LINGO2: variants seen among roughly 807,000 people sequenced by gnomAD.
LINGO2 encodes leucine rich repeat and Ig domain containing 2, also known as leucine-rich repeat and immunoglobulin-like domain-containing nogo receptor-interacting protein 2.
A neutral mutation model predicts 30.6 loss-of-function variants in LINGO2; 14 were observed. The ratio of observed to expected loss-of-function variants is 0.46; its 90% CI spans 0.30 to 0.72. LINGO2 has a LOEUF of 0.72. Among genes scored for constraint, LINGO2 ranks in the 30% least tolerant of loss-of-function variants. The pLI is 0.07. For synonymous variants in LINGO2, 317 were observed against 288.5 expected, an observed-to-expected ratio of 1.10 and a Z score of -1.00; for missense variants, 729 against 751.7, an observed-to-expected ratio of 0.97 and a Z score of 0.35.
At chr9:29,005,947 A>G in the LINGO2 span, among the ~76,000 whole-genome samples, 1 of 151,910 alleles carries the variant, frequency 6.6e-6, no homozygotes, top group Non-Finnish European at 1.5e-5. Flanking sequence ...CAGATACGAG[A>G]CCAATGGATA....
At chr9:28,475,470 A>G (rs1825693470) in intron 2 of LINGO2, among the ~76,000 whole-genome samples, 1 of 152,192 alleles carries the variant, frequency 6.6e-6, no homozygotes, top group Admixed American at 6.5e-5. Context: ...AACAAGGGTA[A>G]TTATGACTAT....
At chr9:28,739,765 T>C in the LINGO2 span, among the ~76,000 whole-genome samples, 1 of 151,664 alleles carries the variant, frequency 6.6e-6, no homozygotes, top group Non-Finnish European at 1.5e-5. Context: ...TTTATGACAG[T>C]ACAATACTAT....
At chr9:28,596,405 C>T in intron 1 of LINGO2, among the ~76,000 whole-genome samples, 1 of 151,956 alleles carries the variant, frequency 6.6e-6, no homozygotes, top group Non-Finnish European at 1.5e-5. Context: ...CACTTTTTAC[C>T]AAATCTTAGG....
At chr9:28,838,238 C>T in the LINGO2 span, among the ~76,000 whole-genome samples, 1 of 152,066 alleles carries the variant, frequency 6.6e-6, no homozygotes, top group African/African-American at 2.4e-5. Context: ...AGTCCAACTG[C>T]CTTCTATTAG....
intron 4 of LINGO2, among the ~76,000 whole-genome samples, chr9:28,182,714 A>G (rs575612391): frequency 9.8e-5 from 15 of 152,330 alleles, no homozygotes; most frequent in Middle Eastern, 6.8e-3. Context: ...AAAGCTCAAC[A>G]TTGCTGGTCA....
the LINGO2 span, chr9:27,938,192 C>A: frequency 6.6e-6 from 1 of 152,108 alleles, no homozygotes; most frequent in African/African-American, 2.4e-5. Flanking sequence ...GGTGTCGTTA[C>A]GAATTTTGTA....
chr9:29,050,300 C>T, the LINGO2 span, among the ~76,000 whole-genome samples: 2 of 152,288 alleles, frequency 1.3e-5, no homozygotes, highest in Admixed American at 1.3e-4. Flanking sequence ...GCTGGGATTA[C>T]AGGCGTAGCC....
At chr9:28,594,472 T>C (rs1392199288) in intron 1 of LINGO2, among the ~76,000 whole-genome samples, 1 of 152,060 alleles carries the variant, frequency 6.6e-6, no homozygotes, top group Non-Finnish European at 1.5e-5. Context: ...CACTTTACAG[T>C]AAATCTGCAC....
At chr9:28,719,493 C>T in the LINGO2 span, among the ~76,000 whole-genome samples, 1 of 152,060 alleles carries the variant, frequency 6.6e-6, no homozygotes, top group Non-Finnish European at 1.5e-5. Flanking sequence ...GTCTGGTGGG[C>T]ATCATCAATC....
chr9:28,309,203 C>G (rs974747203), intron 3 of LINGO2, among the ~76,000 whole-genome samples: 3 of 152,000 alleles, frequency 2.0e-5, no homozygotes, highest in African/African-American at 7.2e-5. Context: ...CGAAGATAGA[C>G]TGGATTAAGA....
the LINGO2 span, among the ~76,000 whole-genome samples, chr9:28,686,498 T>C: frequency 1.3e-5 from 2 of 152,012 alleles, no homozygotes; most frequent in Non-Finnish European, 1.5e-5. Context: ...AAAATTTGTA[T>C]CAATATTCAA....
intron 4 of LINGO2, among the ~76,000 whole-genome samples, chr9:28,257,499 C>T (rs1005283097): frequency 6.6e-5 from 10 of 151,832 alleles, no homozygotes; most frequent in South Asian, 2.1e-4. Flanking sequence ...TACTAGAAGT[C>T]GCTAATTCAG....
chr9:28,713,535 T>C, the LINGO2 span, among the ~76,000 whole-genome samples: 6 of 152,290 alleles, frequency 3.9e-5, no homozygotes, highest in Non-Finnish European at 8.8e-5. Flanking sequence ...TCTTTCCTTC[T>C]GGTTGTCCAA....
chr9:28,812,072 AT>A, the LINGO2 span, among the ~76,000 whole-genome samples: 9,565 of 147,212 alleles, frequency 0.065, 447 homozygotes, highest in African/African-American at 0.13. Flanking sequence ...TCTTGTGGCA[AT>A]TTTTTTTTTT....
At chr9:29,176,606 G>A in the LINGO2 span, among the ~76,000 whole-genome samples, 53 of 152,282 alleles carry the variant, frequency 3.5e-4, no homozygotes, top group African/African-American at 1.2e-3. Flanking sequence ...TGTGCTCACA[G>A]GAAAGAGCTT....
At chr9:28,427,034 T>C (rs1019661136) in intron 2 of LINGO2, among the ~76,000 whole-genome samples, 3 of 152,124 alleles carry the variant, frequency 2.0e-5, no homozygotes, top group Non-Finnish European at 4.4e-5. Flanking sequence ...AGAGGCATTT[T>C]AGAAAACCTA....
the LINGO2 span, among the ~76,000 whole-genome samples, chr9:29,167,727 T>C: frequency 2.2e-4 from 33 of 152,310 alleles, no homozygotes; most frequent in African/African-American, 7.9e-4. Context: ...ACAAGGTGTC[T>C]TACCTTGTAT....
the LINGO2 span, among the ~76,000 whole-genome samples, chr9:28,807,441 T>A: frequency 6.6e-6 from 1 of 152,200 alleles, no homozygotes; most frequent in Non-Finnish European, 1.5e-5. Context: ...ATTTTCCCTT[T>A]ACTTTCAAAT....
At chr9:28,895,342 C>A in the LINGO2 span, among the ~76,000 whole-genome samples, 1 of 152,128 alleles carries the variant, frequency 6.6e-6, no homozygotes, top group Non-Finnish European at 1.5e-5. Context: ...AGCGTTGTCA[C>A]ACTTGCATGC....
Sources: allele counts gnomAD v4.1 joint callset (sites outside exome capture counted in the v4.1 genomes callset), GRCh38; gene constraint gnomAD v4.1.1; transcripts MANE v1.5; gene names NCBI Gene and HGNC (gene_info 2026-07-23, HGNC 2026-07-21).